GALNT13: variants seen among roughly 807,000 people sequenced by gnomAD.
GALNT13 encodes polypeptide N-acetylgalactosaminyltransferase 13.
Under a neutral mutation model 64.2 loss-of-function variants are expected in GALNT13, and 28 were observed. That is an observed-to-expected ratio of 0.44 (90% CI 0.32 to 0.60). The LOEUF (loss-of-function observed/expected upper bound fraction) is 0.60. GALNT13 is among the 20% of genes least tolerant of loss of function. The pLI is 0.05. For missense variants in GALNT13, 577 were observed against 669.8 expected (o/e 0.86, Z 1.53); for synonymous variants, 214 against 224.6 (o/e 0.95, Z 0.42).
At chr2:153,412,533 T>C in the GALNT13 span, among the ~76,000 whole-genome samples, 1 of 152,212 alleles carries the variant, frequency 6.6e-6, no homozygotes, top group East Asian at 1.9e-4. Context: ...TGCACTGGCA[T>C]GTCTCTCAGA....
At chr2:153,664,352 T>A in the GALNT13 span, among the ~76,000 whole-genome samples, 1 of 152,222 alleles carries the variant, frequency 6.6e-6, no homozygotes, top group African/African-American at 2.4e-5. Flanking sequence ...AAGAGAAATA[T>A]GACTTTGTTC....
chr2:153,093,041 AG>A, the GALNT13 span, among the ~76,000 whole-genome samples: 1 of 141,958 alleles, frequency 7.0e-6, no homozygotes, highest in Admixed American at 7.2e-5. Flanking sequence ...TCAGTTTTTG[AG>A]GTTTTTTTTT....
the GALNT13 span, among the ~76,000 whole-genome samples, chr2:153,539,185 A>G: frequency 5.5e-4 from 83 of 151,858 alleles, no homozygotes; most frequent in Non-Finnish European, 4.7e-4. Flanking sequence ...CTGCATAAAT[A>G]TCTTCTTTTG....
At chr2:153,155,143 A>G in the GALNT13 span, among the ~76,000 whole-genome samples, 58 of 152,246 alleles carry the variant, frequency 3.8e-4, no homozygotes, top group Non-Finnish European at 3.4e-4. Context: ...ATTTTGTTGA[A>G]GAGTTTTGCA....
the GALNT13 span, among the ~76,000 whole-genome samples, chr2:153,156,013 G>A: frequency 6.6e-6 from 1 of 152,106 alleles, no homozygotes. Context: ...TCAGGAGTAG[G>A]CTATTCAATT....
chr2:153,539,460 C>G, the GALNT13 span, among the ~76,000 whole-genome samples: 3 of 152,056 alleles, frequency 2.0e-5, no homozygotes, highest in East Asian at 5.8e-4. Flanking sequence ...GACATGAAGT[C>G]CTTGCCCATG....
chr2:153,137,582 C>T, the GALNT13 span, among the ~76,000 whole-genome samples: 3 of 151,980 alleles, frequency 2.0e-5, no homozygotes, highest in Admixed American at 6.6e-5. Context: ...CTCCTAAAGC[C>T]TATTGTACCT....
chr2:153,350,341 A>T, the GALNT13 span, among the ~76,000 whole-genome samples: 2 of 151,006 alleles, frequency 1.3e-5, no homozygotes, highest in Non-Finnish European at 2.9e-5. Flanking sequence ...CATGCATCAT[A>T]GTATCATTCG....
chr2:153,935,010 G>C lies in GALNT13; in HGVS notation c.-104-9384G>C, dbSNP rs544473063. Among the ~76,000 whole-genome samples the C allele has an allele frequency of 2.3e-4, 35 of 152,192 alleles. 1 individual carries two copies. In the South Asian group the frequency reaches 2.5e-3, roughly 11 times the overall value. ...TGAACACCCTAAATAATATGACAGT[G>C]GCTGGGGTCAGATGTATTTAGTTTT... On this transcript the variant is annotated intron_variant, in intron 2 of 12. Coordinates refer to ENST00000392825, the MANE Select transcript of GALNT13 (RefSeq NM_052917.4).
chr2:153,837,004 G>A, the GALNT13 span, among the ~76,000 whole-genome samples: 34 of 151,650 alleles, frequency 2.2e-4, 1 homozygote, highest in African/African-American at 7.5e-4. Context: ...ATGACTTATA[G>A]TCCTTTGGGT....
At chr2:154,157,744 C>G (rs181560225) in intron 4 of GALNT13, among the ~76,000 whole-genome samples, 1 of 152,276 alleles carries the variant, frequency 6.6e-6, no homozygotes, top group East Asian at 1.9e-4. Context: ...CCCCACAATA[C>G]AGCAAAATTG....
chr2:153,382,801 C>A, the GALNT13 span, among the ~76,000 whole-genome samples: 1 of 151,904 alleles, frequency 6.6e-6, no homozygotes, highest in Non-Finnish European at 1.5e-5. Context: ...TTTTTTCTTA[C>A]TCTATGACAA....
chr2:153,240,109 T>C, the GALNT13 span, among the ~76,000 whole-genome samples: 10 of 152,186 alleles, frequency 6.6e-5, no homozygotes, highest in African/African-American at 2.4e-4. Context: ...TGTTGGCATA[T>C]AGTTGCTTAT....
At chr2:154,075,562 T>C (rs934755897) in intron 3 of GALNT13, among the ~76,000 whole-genome samples, 3 of 151,844 alleles carry the variant, frequency 2.0e-5, no homozygotes, top group African/African-American at 7.2e-5. Context: ...AAATATATTT[T>C]CAACATTTTG....
At chr2:154,339,586 A>G (rs1305434503) in intron 9 of GALNT13, among the ~76,000 whole-genome samples, 1 of 152,166 alleles carries the variant, frequency 6.6e-6, no homozygotes, top group Admixed American at 6.6e-5. Context: ...TAATTAAATG[A>G]ACATAAGGAA....
chr2:154,084,570 C>G (rs1701433348), intron 3 of GALNT13, among the ~76,000 whole-genome samples: 1 of 151,876 alleles, frequency 6.6e-6, no homozygotes, highest in African/African-American at 2.4e-5. Context: ...AATGCTTTCA[C>G]TTGCCTCTAT....
At chr2:153,937,954 G>T (rs1392962691) in intron 2 of GALNT13, among the ~76,000 whole-genome samples, 1 of 152,198 alleles carries the variant, frequency 6.6e-6, no homozygotes, top group Non-Finnish European at 1.5e-5. Flanking sequence ...AGATAGGGAT[G>T]TATAGACATA....
the GALNT13 span, among the ~76,000 whole-genome samples, chr2:153,641,092 A>G: frequency 6.6e-6 from 1 of 152,138 alleles, no homozygotes; most frequent in African/African-American, 2.4e-5. Context: ...CTTGTATCTA[A>G]CCTTGTATTA....
intron 3 of GALNT13, among the ~76,000 whole-genome samples, chr2:154,097,018 GTAAATAAA>G (rs34441612): frequency 6.6e-6 from 1 of 151,190 alleles, no homozygotes; most frequent in Admixed American, 6.6e-5. Context: ...AAGTAAGTAA[GTAAATAAA>G]TAAATATTTT....
Sources: allele counts gnomAD v4.1 joint callset (sites outside exome capture counted in the v4.1 genomes callset), GRCh38; gene constraint gnomAD v4.1.1; transcripts MANE v1.5; gene names NCBI Gene and HGNC (gene_info 2026-07-23, HGNC 2026-07-21).